The following CASP6 variants were observed in gnomAD, a reference collection of about 807,000 sequenced individuals.
The protein encoded by CASP6 is caspase-6.
CASP6 carries 20 observed loss-of-function variants against 31.8 expected under a neutral mutation model. The ratio of observed to expected loss-of-function variants is 0.63; its 90% CI spans 0.44 to 0.91. The LOEUF is 0.91. Ranked by LOEUF, CASP6 falls within the 40% of genes least tolerant of loss-of-function variation. The pLI is 0.00. For synonymous variants in CASP6, 130 were observed against 127.8 expected (o/e 1.02, Z -0.12); for missense variants, 328 against 361.1 (o/e 0.91, Z 0.74).
At chr4:109,674,334 A>G in the CASP6 span, among the ~76,000 whole-genome samples, 5,232 of 152,292 alleles carry the variant, frequency 0.034, 298 homozygotes, top group African/African-American at 0.12. Flanking sequence ...CAAGGAAGTC[A>G]AGTTAACTTA....
the CASP6 span, among the ~76,000 whole-genome samples, chr4:109,668,740 T>G: frequency 5.9e-5 from 9 of 151,988 alleles, no homozygotes; most frequent in South Asian, 6.2e-4. Context: ...TTTTTCTGCC[T>G]TTTTTGGTTT....
chr4:109,704,668 T>C (rs1730544013), upstream of CASP6, among the ~76,000 whole-genome samples: 1 of 152,242 alleles, frequency 6.6e-6, no homozygotes, highest in Non-Finnish European at 1.5e-5. Flanking sequence ...TGCATCAGGT[T>C]ATCCAGATCT....
At chr4:109,695,949 C>T (rs529471765) in intron 4 of CASP6, among the ~76,000 whole-genome samples, 38 of 152,070 alleles carry the variant, frequency 2.5e-4, no homozygotes, top group African/African-American at 8.4e-4. Context: ...TGGCATGCAG[C>T]GATGATTATA....
At chr4:109,680,951 A>G in the CASP6 span, among the ~76,000 whole-genome samples, 1 of 152,220 alleles carries the variant, frequency 6.6e-6, no homozygotes, top group African/African-American at 2.4e-5. Flanking sequence ...ATATGGACTT[A>G]TAAACCCATG....
chr4:109,678,900 G>T, the CASP6 span, among the ~76,000 whole-genome samples: 1 of 147,590 alleles, frequency 6.8e-6, no homozygotes, highest in Non-Finnish European at 1.5e-5. Flanking sequence ...CCCAGACGGG[G>T]TGGCGGCCGG....
the CASP6 span, among the ~76,000 whole-genome samples, chr4:109,675,024 C>A: frequency 5.1e-3 from 775 of 152,276 alleles, 3 homozygotes; most frequent in African/African-American, 0.018. Context: ...TCTCTTGTCT[C>A]ATCTGAATTT....
At chr4:109,687,397 T>C (rs192437998), downstream of CASP6, 347 of 660,038 alleles carry the variant, frequency 5.3e-4, no homozygotes, top group African/African-American at 5.9e-3. Context: ...TTGCCACTAA[T>C]AGTTTAAACA....
rs547937335 is a variant in CASP6 at position 109,694,605 on chromosome 4, C to G, written c.403G>C (p.Glu135Gln). Residue 135 changes from glutamate (E) to glutamine (Q), a missense_variant, in exon 5 of 7, where the codon GAA becomes CAA. Coordinates refer to ENST00000265164, the MANE Select transcript of CASP6 (RefSeq NM_001226.4). ...AACAAGCCAGTTAATGTCTGAATTT[C>G]GATTTTAGCATCATATGCATAAATG... ...NHIYAYDAKI[E>Q]IQTLTGLFKG... The G allele has an allele frequency of 1.2e-6, 2 of 1,612,330 alleles. No homozygotes were observed. Among genetic ancestry groups the G allele is most frequent in the South Asian group, 2.2e-5 (2 of 90,590 alleles).
downstream of CASP6, chr4:109,688,403 G>C (rs1156603732): frequency 6.6e-6 from 1 of 152,190 alleles, no homozygotes; most frequent in Non-Finnish European, 1.5e-5. Context: ...GATTTTGCAG[G>C]TGTTCAACCT....
In CASP6 at chr4:109,700,853, T is replaced by G. The variant is rs5030538; in HGVS notation, c.40+2503A>C. On this transcript the variant is annotated intron_variant, in intron 1 of 6. Transcript: ENST00000265164. Reference sequence around the variant, plus strand: ...GGAGTTGATAAACTTTACCCACAGATTGAGAGAAAATAACACATCATGACC... The same window carrying G: ...GGAGTTGATAAACTTTACCCACAGAGTGAGAGAAAATAACACATCATGACC... Among the ~76,000 whole-genome samples the G allele has an allele frequency of 5.0e-3, 764 of 152,274 alleles. 4 individuals carry two copies. The highest frequency in any genetic ancestry group is 0.018 in the African/African-American group (735 of 41,546).
At chr4:109,695,525 G>A (rs903305232) in intron 4 of CASP6, among the ~76,000 whole-genome samples, 2 of 152,262 alleles carry the variant, frequency 1.3e-5, no homozygotes, top group African/African-American at 4.8e-5. Context: ...GGGAGGCCGA[G>A]GCAGGTGGAT....
the CASP6 span, chr4:109,681,338 G>A: frequency 6.2e-6 from 2 of 324,104 alleles, no homozygotes; most frequent in African/African-American, 2.2e-5. Flanking sequence ...GTAGTCAAAA[G>A]CTACTAAAGT....
chr4:109,689,654 T>A (rs1729972029), intron 6 of CASP6, 86 bp from the exon 7 acceptor site: 1 of 1,237,198 alleles, frequency 8.1e-7, no homozygotes, highest in African/African-American at 1.5e-5. Context: ...AAGTATAAGT[T>A]CTTAAAAATC....
chr4:109,684,513 T>C (rs1164954796), downstream of CASP6: 40 of 1,613,952 alleles, frequency 2.5e-5, no homozygotes, highest in Non-Finnish European at 3.4e-5. Flanking sequence ...TTGGCACTGC[T>C]GTCCATTCAG....
the CASP6 span, chr4:109,673,699 A>G: frequency 2.1e-6 from 1 of 486,202 alleles, no homozygotes; most frequent in Non-Finnish European, 3.6e-6. Flanking sequence ...GCAAATGTGG[A>G]TTTGAAAATT....
At chr4:109,679,467 G>C in the CASP6 span, among the ~76,000 whole-genome samples, 1 of 152,124 alleles carries the variant, frequency 6.6e-6, no homozygotes, top group Non-Finnish European at 1.5e-5. Flanking sequence ...TCAACACGGC[G>C]AAACCCCGTC....
In CASP6 at chr4:109,693,684, C is replaced by CAA. The variant is rs1203586044; in HGVS notation, c.483+839_483+840dup. 8.8e-3 allele frequency among the ~76,000 whole-genome samples: 626 copies of CAA among 70,980 alleles called. 17 individuals carry two copies. The highest frequency in any genetic ancestry group is 0.026 in the African/African-American group (562 of 21,686). 46.6% of individuals were successfully genotyped at this position (70,980 alleles called of 152,430 possible). A position where few individuals can be genotyped will look rare whatever the true frequency, so the allele number is the denominator to read the frequency against. On this transcript the variant is annotated intron_variant, in intron 5 of 6. Coordinates refer to ENST00000265164, the MANE Select transcript of CASP6 (RefSeq NM_001226.4). ...TGGGGGACAGAGCGAGACTCCATCT[C>CAA]AAAAAAAAAAAAAAAATCGTTAATG...
downstream of CASP6, chr4:109,685,236 CTCTT>C (rs1729811178): frequency 2.2e-6 from 2 of 928,730 alleles, no homozygotes; most frequent in South Asian, 1.4e-5. Context: ...TCTTCTCTCT[CTCTT>C]TTTTTTTAAG....
the CASP6 span, among the ~76,000 whole-genome samples, chr4:109,665,268 A>G: frequency 6.6e-6 from 1 of 152,224 alleles, no homozygotes; most frequent in Non-Finnish European, 1.5e-5. Context: ...TATGTAGCTT[A>G]CATTTATTTT....
Sources: gnomAD v4.1 joint callset for allele counts (sites outside exome capture counted in the v4.1 genomes callset) on GRCh38, gnomAD v4.1.1 for gene constraint, MANE v1.5 for transcripts, NCBI Gene and HGNC (gene_info 2026-07-23, HGNC 2026-07-21) for gene names.